CLEC17A: variants seen among roughly 807,000 people sequenced by gnomAD.
CLEC17A encodes C-type lectin domain family 17, member A.
In CLEC17A, 37 loss-of-function variants were observed where a neutral mutation model predicts 61.3. The ratio of observed to expected loss-of-function variants is 0.60; its 90% CI spans 0.46 to 0.79. The LOEUF (loss-of-function observed/expected upper bound fraction) is 0.79, where lower values mean the gene tolerates loss of function less well. Among genes scored for constraint, CLEC17A ranks in the 30% least tolerant of loss-of-function variants. The pLI is 0.00. For synonymous variants in CLEC17A, 168 were observed against 164.9 expected (o/e 1.02, Z -0.14); for missense variants, 418 against 464.7 (o/e 0.90, Z 0.92).
chr19:14,587,130 C>A (rs151026913), intron 2 of CLEC17A, among the ~76,000 whole-genome samples: 2 of 151,646 alleles, frequency 1.3e-5, no homozygotes, highest in African/African-American at 4.9e-5. Flanking sequence ...CAAACTCAGG[C>A]GACCTGCCAG....
At chr19:14,604,441 T>C (rs1438534011) in intron 12 of CLEC17A, among the ~76,000 whole-genome samples, 1 of 152,150 alleles carries the variant, frequency 6.6e-6, no homozygotes, top group East Asian at 1.9e-4. Flanking sequence ...AGAAATATTT[T>C]CTTTTACAAA....
At chr19:14,599,889 AT>A in intron 11 of CLEC17A, 77 bp downstream of exon 11, 1 of 1,499,886 alleles carries the variant, frequency 6.7e-7, no homozygotes, top group Non-Finnish European at 9.1e-7. Context: ...CATTGAAGTC[AT>A]TCTCAGTGCA....
At chr19:14,596,685 G>A (rs969414914) in intron 8 of CLEC17A, among the ~76,000 whole-genome samples, 191 bp from the exon 9 acceptor site, 15 of 152,088 alleles carry the variant, frequency 9.9e-5, no homozygotes, top group Non-Finnish European at 2.1e-4. Flanking sequence ...TTAGCGCACC[G>A]TAAATGCATC....
chr19:14,607,856 G>T (rs1475786525), intron 13 of CLEC17A, among the ~76,000 whole-genome samples: 4 of 151,254 alleles, frequency 2.6e-5, no homozygotes, highest in Non-Finnish European at 4.4e-5. Context: ...GATTACAGGG[G>T]TGAGCCACTG....
chr19:14,611,311 C>T lies in CLEC17A; in HGVS notation c.*1115C>T, dbSNP rs1042175134. Among the ~76,000 whole-genome samples, 12 of 151,108 alleles carry T rather than the reference C, an allele frequency of 7.9e-5. No individual in the cohort carries two copies. Among genetic ancestry groups the T allele is most frequent in the African/African-American group, 2.7e-4 (11 of 41,098 alleles). ...TTCTCAATGTCTTGGGTGAGGTTTG[C>T]ACAAGCTAAGTGGCAGAATCAGACT... On this transcript the variant is annotated 3_prime_UTR_variant, in exon 14 of 14. Coordinates refer to ENST00000417570, the MANE Select transcript of CLEC17A (RefSeq NM_001204118.2).
At chr19:14,589,458 G>A (rs1216207006) in intron 3 of CLEC17A, among the ~76,000 whole-genome samples, 1 of 144,560 alleles carries the variant, frequency 6.9e-6, no homozygotes, top group African/African-American at 2.8e-5. Flanking sequence ...TTGAGACAGG[G>A]TCTTGCTTGT....
chr19:14,596,856 T>C lies in CLEC17A; in HGVS notation c.446-20T>C, dbSNP rs367802351. On this transcript the variant is annotated intron_variant, in intron 8 of 13. Transcript: ENST00000417570. ...TGAAGCCCCAGTATCAGTCTCTCTG[T>C]TCCCATCCCCACTCCCCAGCAACTC... 6.1e-5 allele frequency: 98 copies of C among 1,606,522 alleles called. 1 individual carries two copies. The East Asian group carries it at 8.3e-4, about 14-fold the overall frequency.
Position 14,610,378 on chromosome 19 carries a change from C to T in CLEC17A, c.*182C>T, listed in dbSNP as rs954253972. On this transcript the variant is annotated 3_prime_UTR_variant, in exon 14 of 14. Coordinates refer to ENST00000417570, the MANE Select transcript of CLEC17A (RefSeq NM_001204118.2). ...AGTCAGGCTGTTTCTAGAGTGAGGA[C>T]TTGGGCTTGCCCTAGTAGATGGTGA... The T allele has an allele frequency of 6.4e-6, 5 of 783,644 alleles. No individual in the cohort carries two copies. Among genetic ancestry groups the T allele is most frequent in the East Asian group, 2.8e-5 (1 of 36,322 alleles). 48.5% of individuals were successfully genotyped at this position (783,644 alleles called of 1,614,324 possible).
chr19:14,588,881 A>C (rs1220126430), intron 3 of CLEC17A, among the ~76,000 whole-genome samples: 1 of 151,898 alleles, frequency 6.6e-6, no homozygotes, highest in Non-Finnish European at 1.5e-5. Flanking sequence ...GAGGTCCAGA[A>C]ATATGGTGGG....
At chr19:14,605,853 C>T (rs1410048201) in intron 12 of CLEC17A, among the ~76,000 whole-genome samples, 1 of 152,130 alleles carries the variant, frequency 6.6e-6, no homozygotes, top group Non-Finnish European at 1.5e-5. Flanking sequence ...ATCCTCCCAC[C>T]TCAGCCTCCT....
intron 12 of CLEC17A, among the ~76,000 whole-genome samples, chr19:14,601,833 C>T (rs972590591): frequency 1.3e-5 from 2 of 152,090 alleles, no homozygotes; most frequent in South Asian, 2.1e-4. Context: ...CGCTCTGTCA[C>T]CCAGGCTGGA....
Position 14,587,488 on chromosome 19 carries a change from G to A in CLEC17A, c.122-126G>A. 4 of 1,339,150 alleles carry A rather than the reference G, an allele frequency of 3.0e-6. No individual in the cohort carries two copies. The South Asian group carries it at 5.8e-5, about 20-fold the overall frequency. 83.0% of individuals were successfully genotyped at this position (1,339,150 alleles called of 1,614,324 possible). On this transcript the variant is annotated intron_variant, in intron 2 of 13. Transcript: ENST00000417570. ...AAGGCCCTGGCCAGGCTGGGGCTGG[G>A]GCCCAGGTGTGGTCAAGATCCAGGG...
At chr19:14,596,286 T>C (rs1002613019) in intron 8 of CLEC17A, among the ~76,000 whole-genome samples, 3 of 151,900 alleles carry the variant, frequency 2.0e-5, no homozygotes, top group Non-Finnish European at 2.9e-5. Context: ...ACTTGCAAAA[T>C]GGGAATAATG....
intron 8 of CLEC17A, among the ~76,000 whole-genome samples, chr19:14,595,844 G>T (rs1278254994): frequency 1.3e-5 from 2 of 150,700 alleles, no homozygotes; most frequent in Admixed American, 1.3e-4. Context: ...TGATGGTGGT[G>T]GTGGTGATGA....
intron 11 of CLEC17A, 37 bp downstream of exon 11, chr19:14,599,849 G>T (rs745424741): frequency 1.3e-6 from 2 of 1,565,096 alleles, no homozygotes; most frequent in East Asian, 2.2e-5. Flanking sequence ...GGGATGGGGG[G>T]CATGGCAGAG....
At chr19:14,591,879 A>G (rs1249988373) in intron 3 of CLEC17A, among the ~76,000 whole-genome samples, 1 of 146,650 alleles carries the variant, frequency 6.8e-6, no homozygotes, top group African/African-American at 2.6e-5. Context: ...CCGTGTGTGA[A>G]TCCAAACTCC....
rs887023042 is a variant in CLEC17A, at chr19:14,607,333, G to A, written c.1004+231G>A. On this transcript the variant is annotated intron_variant, in intron 13 of 13. Transcript: ENST00000417570. ...TATTCTCTGCCTCAGCCTCCCGAGT[G>A]GCTGGGACTACAGGTGCCCATCACC... Among the ~76,000 whole-genome samples the A allele has an allele frequency of 5.7e-4, 86 of 151,162 alleles. 1 individual carries two copies. The highest frequency in any genetic ancestry group is 4.0e-3 in the South Asian group (19 of 4,770).
At chr19:14,582,537 G>T (rs935321853), upstream of CLEC17A, among the ~76,000 whole-genome samples, 22 of 151,640 alleles carry the variant, frequency 1.5e-4, no homozygotes, top group African/African-American at 5.3e-4. Context: ...GGCCCACCTA[G>T]GTAATCCAGG....
rs2075016934 is a variant in CLEC17A, at chr19:14,610,294, A to G, written c.*98A>G. 2 of 1,481,582 alleles carry G rather than the reference A, an allele frequency of 1.3e-6. No individual in the cohort carries two copies. Among genetic ancestry groups the G allele is most frequent in the Non-Finnish European group, 1.8e-6 (2 of 1,109,716 alleles). 91.8% of individuals were successfully genotyped at this position (1,481,582 alleles called of 1,614,324 possible). The stretch of plus-strand genomic sequence containing the variant: ...CGGCCTTGCCTCTTCGTGAGTGGAC[A>G]CACAGATGTGCCTCAAACAGGATTG... On this transcript the variant is annotated 3_prime_UTR_variant, in exon 14 of 14. Transcript: ENST00000417570.
Sources: gnomAD v4.1 joint callset for allele counts (sites outside exome capture counted in the v4.1 genomes callset) on GRCh38, gnomAD v4.1.1 for gene constraint, MANE v1.5 for transcripts, NCBI Gene and HGNC (gene_info 2026-07-23, HGNC 2026-07-21) for gene names.